ABI1: variants seen among roughly 807,000 people sequenced by gnomAD.
ABI1 encodes abl interactor 1.
Under a neutral mutation model 54.6 loss-of-function variants are expected in ABI1, and 14 were observed. That is an observed-to-expected ratio of 0.26 (90% CI 0.17 to 0.40). The LOEUF is 0.40. Ranked by LOEUF, ABI1 falls within the 10% of genes least tolerant of loss-of-function variation. The pLI is 1.00. For missense variants in ABI1, 443 were observed against 598.3 expected (o/e 0.74, Z 2.71); for synonymous variants, 194 against 209.3 (o/e 0.93, Z 0.63).
intron 2 of ABI1, among the ~76,000 whole-genome samples, chr10:26,784,889 C>T (rs1177177579): frequency 1.3e-5 from 2 of 152,166 alleles, no homozygotes; most frequent in Non-Finnish European, 1.5e-5. Context: ...AATCTGTGCT[C>T]TATATTCTGC....
intron 1 of ABI1, among the ~76,000 whole-genome samples, chr10:26,844,965 A>G (rs771629345): frequency 3.9e-5 from 6 of 152,192 alleles, no homozygotes; most frequent in East Asian, 1.9e-4. Flanking sequence ...TCCCGTACCA[A>G]TGTAAGATGA....
Position 26,860,695 on chromosome 10 carries a change from T to C in ABI1, c.117+52A>G. The C allele has an allele frequency of 6.8e-7, 1 of 1,463,632 alleles. No homozygotes were observed. The highest frequency in any genetic ancestry group is 2.3e-5 in the East Asian group (1 of 44,154). The allele number at this position is 1,463,632 out of a possible 1,614,324, so 90.7% of individuals were successfully genotyped here. On this transcript the variant is annotated intron_variant, in intron 1 of 10. Transcript: ENST00000376140. The surrounding 1 kb of genome is among the most constrained non-coding windows in gnomAD (Gnocchi z 4.1). ...CCACCCCGCCCAGTGGGCTGGTCAC[T>C]CCGGCGGGTCCTCGACCCGGCCAGC...
intron 1 of ABI1, among the ~76,000 whole-genome samples, chr10:26,851,969 G>A (rs1374017589): frequency 6.6e-6 from 1 of 152,070 alleles, no homozygotes; most frequent in Non-Finnish European, 1.5e-5. Context: ...GCACTTTTGA[G>A]TAATAATCAA....
rs1442321462 is a variant in ABI1 at position 26,860,624 on chromosome 10, G to C, written c.117+123C>G. On this transcript the variant is annotated intron_variant, in intron 1 of 10. Coordinates refer to ENST00000376140, the MANE Select transcript of ABI1 (RefSeq NM_001012750.3). This position sits in a 1 kb window ranked among gnomAD's most constrained non-coding sequence, Gnocchi z 4.1. ...CGGTTGGGGCTGGGGTTGGGGCTGC[G>C]GTAGGGGCTCGGGTTGGTGGCAGCC... 1.1e-5 allele frequency: 8 copies of C among 755,084 alleles called. No homozygotes were observed. The highest frequency in any genetic ancestry group is 1.8e-5 in the Non-Finnish European group (8 of 439,446). 46.8% of individuals were successfully genotyped at this position (755,084 alleles called of 1,614,324 possible).
Position 26,823,263 on chromosome 10 carries a change from T to C in ABI1, c.160A>G (p.Thr54Ala). The C allele has an allele frequency of 1.3e-6, 2 of 1,595,186 alleles. No homozygotes were observed. The highest frequency in any genetic ancestry group is 1.7e-6 in the Non-Finnish European group (2 of 1,174,454). The change falls in exon 2 of 11, where the codon ACA becomes GCA. Residue 54 changes from threonine to alanine, a missense_variant. Thr to Ala is a moderately conservative substitution (Grantham distance 58). Transcript: ENST00000376140. Reference protein sequence around the residue: ...RKALEETKAYTTQSLASVAYQ... With the variant: ...RKALEETKAYATQSLASVAYQ... ...GCAACACTAGCTAGAGATTGGGTTG[T>C]ATAGGCTTTGGTCTCCTCTAAAGCT...
At position 26,747,502 on chromosome 10, in the gene ABI1, A is replaced by AT; in HGVS notation, c.*1067dup. ...GAGTGCCTACTCACAAATCAACTGTATCCACTTTTACAATATGTAAAAGGT... is the reference window on the plus strand; with the variant it reads ...GAGTGCCTACTCACAAATCAACTGTATTCCACTTTTACAATATGTAAAAGGT... On this transcript the variant is annotated 3_prime_UTR_variant, in exon 11 of 11. Transcript: ENST00000376140. 4.8e-6 allele frequency: 1 copy of AT among 208,332 alleles called. No homozygotes were observed. Among genetic ancestry groups the AT allele is most frequent in the East Asian group, 7.3e-5 (1 of 13,762 alleles). 12.9% of individuals were successfully genotyped at this position (208,332 alleles called of 1,614,324 possible).
chr10:26,853,118 G>A (rs946678856), intron 1 of ABI1, among the ~76,000 whole-genome samples: 3 of 150,996 alleles, frequency 2.0e-5, no homozygotes, highest in African/African-American at 7.3e-5. Context: ...AAATGACCAC[G>A]TCAACTATTT....
chr10:26,791,328 A>G (rs892322291), intron 2 of ABI1, among the ~76,000 whole-genome samples: 6 of 152,142 alleles, frequency 3.9e-5, no homozygotes, highest in Non-Finnish European at 8.8e-5. Flanking sequence ...GTGAGATAGG[A>G]GTTTGAAAGA....
chr10:26,805,503 G>A (rs1034728794), intron 2 of ABI1, among the ~76,000 whole-genome samples: 5 of 151,998 alleles, frequency 3.3e-5, no homozygotes, highest in Non-Finnish European at 5.9e-5. Flanking sequence ...ACAAAGAAAT[G>A]GTTTCACCCA....
chr10:26,835,095 A>AC (rs1183055553), intron 1 of ABI1, among the ~76,000 whole-genome samples: 2 of 125,474 alleles, frequency 1.6e-5, no homozygotes, highest in African/African-American at 2.8e-5. Flanking sequence ...CCTCAAAAAA[A>AC]AAAAAAAAAA....
At chr10:26,796,850 C>T (rs950619195) in intron 2 of ABI1, among the ~76,000 whole-genome samples, 1 of 152,210 alleles carries the variant, frequency 6.6e-6, no homozygotes, top group Non-Finnish European at 1.5e-5. Context: ...TTAAACTGTT[C>T]TACCTCAGAT....
At chr10:26,794,781 A>T (rs539468511) in intron 2 of ABI1, among the ~76,000 whole-genome samples, 1 of 152,236 alleles carries the variant, frequency 6.6e-6, no homozygotes, top group Admixed American at 6.5e-5. Context: ...TTACCTGATG[A>T]TATGAAACTA....
intron 9 of ABI1, among the ~76,000 whole-genome samples, chr10:26,754,281 C>A (rs1443375381): frequency 2.0e-5 from 3 of 152,130 alleles, no homozygotes; most frequent in African/African-American, 7.2e-5. Flanking sequence ...TACCTGGTAG[C>A]TGGAACTACA....
chr10:26,798,301 C>G (rs1232158220), intron 2 of ABI1, among the ~76,000 whole-genome samples: 1 of 150,396 alleles, frequency 6.6e-6, no homozygotes, highest in Non-Finnish European at 1.5e-5. Context: ...GGGGTGCTAT[C>G]CAGTATTGGG....
At chr10:26,856,226 T>C (rs1247646565) in intron 1 of ABI1, among the ~76,000 whole-genome samples, 1 of 149,160 alleles carries the variant, frequency 6.7e-6, no homozygotes, top group African/African-American at 2.5e-5. Flanking sequence ...CGAGCTGAGA[T>C]CATGCCACTG....
chr10:26,771,096 G>T lies in ABI1; in HGVS notation c.463-7C>A. 1 of 1,613,076 alleles carries T rather than the reference G, an allele frequency of 6.2e-7. No homozygotes were observed. The highest frequency in any genetic ancestry group is 8.5e-7 in the Non-Finnish European group (1 of 1,179,472). On this transcript the variant is annotated splice_region_variant and splice_polypyrimidine_tract_variant and intron_variant, in intron 3 of 10. Coordinates refer to ENST00000376140, the MANE Select transcript of ABI1 (RefSeq NM_001012750.3). ...TTACCTTGGCTTTTAGCCACTTTAC[G>T]TTGGCAAAAAAAGGGGGGGAAAAAG...
chr10:26,781,746 T>C (rs1842139985), intron 2 of ABI1, among the ~76,000 whole-genome samples: 1 of 152,170 alleles, frequency 6.6e-6, no homozygotes, highest in African/African-American at 2.4e-5. Context: ...TGGAGATCAA[T>C]TGTAGTTGCT....
chr10:26,759,736 T>C (rs948901300), intron 7 of ABI1, among the ~76,000 whole-genome samples: 1 of 152,086 alleles, frequency 6.6e-6, no homozygotes, highest in African/African-American at 2.4e-5. Context: ...TAAGTCTCTA[T>C]CTAGCCAAAT....
At chr10:26,858,906 T>C (rs1440373521) in intron 1 of ABI1, among the ~76,000 whole-genome samples, 5 of 152,310 alleles carry the variant, frequency 3.3e-5, no homozygotes, top group Non-Finnish European at 5.9e-5. Flanking sequence ...GAAGCACTTA[T>C]CTACTGACTT....
Sources: allele counts gnomAD v4.1 joint callset (sites outside exome capture counted in the v4.1 genomes callset), GRCh38; gene constraint gnomAD v4.1.1; non-coding constraint Gnocchi (gnomAD v3.1); transcripts MANE v1.5; gene names NCBI Gene and HGNC (gene_info 2026-07-23, HGNC 2026-07-21).